Variants in SASH1 observed in about 807,000 individuals in gnomAD.
SASH1 encodes the protein SAM and SH3 domain-containing protein 1.
SASH1 carries 44 observed loss-of-function variants against 125.2 expected under a neutral mutation model. The observed-to-expected ratio is 0.35, with a 90% CI of 0.28 to 0.45. SASH1 has a LOEUF of 0.45. Ranked by LOEUF, SASH1 falls within the 20% of genes least tolerant of loss-of-function variation. SASH1 has a pLI of 1.00. For synonymous variants in SASH1, 639 were observed against 649.1 expected (o/e 0.98, Z 0.24); for missense variants, 1,426 against 1,614.5 (o/e 0.88, Z 2.00).
At position 148,533,006 on chromosome 6, in the gene SASH1, T is replaced by C; in HGVS notation, c.1734+40T>C. On this transcript the variant is annotated intron_variant, in intron 14 of 19. Transcript: ENST00000367467. The surrounding 1 kb of genome is among the most constrained non-coding windows in gnomAD (Gnocchi z 6.2). ...GGCCTCAGAGCAGCTAACTGGGCTCTTCCATTTCTCTAGGAGGCTTTCTTT... is the reference window on the plus strand; with the variant it reads ...GGCCTCAGAGCAGCTAACTGGGCTCCTCCATTTCTCTAGGAGGCTTTCTTT... The C allele has an allele frequency of 1.2e-6, 2 of 1,603,246 alleles. No homozygotes were observed. The highest frequency in any genetic ancestry group is 1.7e-6 in the Non-Finnish European group (2 of 1,171,142).
chr6:148,275,306 T>G (rs1171375810), intron 1 of SASH1, among the ~76,000 whole-genome samples: 1 of 152,234 alleles, frequency 6.6e-6, no homozygotes, highest in Non-Finnish European at 1.5e-5. Context: ...TTTCTTGGTC[T>G]GGACCCTAAC....
At chr6:148,344,720 T>C (rs1781462928) in intron 1 of SASH1, among the ~76,000 whole-genome samples, 1 of 151,988 alleles carries the variant, frequency 6.6e-6, no homozygotes, top group Admixed American at 6.6e-5. Context: ...GAAAACCTAA[T>C]GGACATTTTA....
chr6:148,514,846 A>G (rs1253601304), intron 9 of SASH1, among the ~76,000 whole-genome samples: 1 of 152,232 alleles, frequency 6.6e-6, no homozygotes, highest in Non-Finnish European at 1.5e-5. Context: ...TTCAAATTTC[A>G]TGTACATACA....
the SASH1 span, among the ~76,000 whole-genome samples, chr6:148,251,655 C>T: frequency 1.3e-5 from 2 of 151,860 alleles, no homozygotes; most frequent in African/African-American, 2.4e-5. Flanking sequence ...TGAGATGAGG[C>T]ATTTGGAAAT....
Position 148,519,697 on chromosome 6 carries a change from C to T in SASH1, c.1013C>T (p.Ser338Phe), listed in dbSNP as rs569499786. 56 of 1,614,158 alleles carry T rather than the reference C, an allele frequency of 3.5e-5. No individual in the cohort carries two copies. In the East Asian group the frequency reaches 1.2e-3, roughly 33 times the overall value. Residue 338 changes from serine to phenylalanine, a missense_variant, in exon 10 of 20, where the codon TCC becomes TTC. Ser to Phe is a radical substitution (Grantham distance 155, BLOSUM62 -2). Around this residue, in one of 3 missense-constraint regions of SASH1, gnomAD observed 567 missense variants for 575.6 expected, o/e 0.99. Coordinates refer to ENST00000367467, the MANE Select transcript of SASH1 (RefSeq NM_015278.5). This position sits in a 1 kb window ranked among gnomAD's most constrained non-coding sequence, Gnocchi z 4.8. The part of the protein sequence containing the change: ...DSDSLTTSPS[S>F]SSLDTWGAGR... ...GACTCTCTCACCACGTCTCCATCCT[C>T]CAGCAGCCTGGACACCTGGGGGGCT...
chr6:148,464,859 G>T (rs888406096), intron 4 of SASH1, among the ~76,000 whole-genome samples: 2 of 152,098 alleles, frequency 1.3e-5, no homozygotes, highest in African/African-American at 4.8e-5. Context: ...CAGCATCTAG[G>T]TGGTGAACTT....
chr6:148,533,660 C>T lies in SASH1; in HGVS notation c.1735-111C>T. On this transcript the variant is annotated intron_variant, in intron 14 of 19. Transcript: ENST00000367467. This position sits in a 1 kb window ranked among gnomAD's most constrained non-coding sequence, Gnocchi z 6.2. ...AGGGGTGACTTGTGGGACCCCGATT[C>T]TGGCCTTTGTGGCATCTTCACTTCT... is the stretch of plus-strand genomic sequence containing the variant. 1 of 1,018,486 alleles carries T rather than the reference C, an allele frequency of 9.8e-7. No homozygotes were observed. Among genetic ancestry groups the T allele is most frequent in the Non-Finnish European group, 1.5e-6 (1 of 679,558 alleles). The allele number at this position is 1,018,486 out of a possible 1,614,324, so 63.1% of individuals were successfully genotyped here. A position where few individuals can be genotyped will look rare whatever the true frequency, so the allele number is the denominator to read the frequency against.
At chr6:148,277,405 C>T (rs1322363812) in intron 1 of SASH1, among the ~76,000 whole-genome samples, 1 of 152,210 alleles carries the variant, frequency 6.6e-6, no homozygotes, top group African/African-American at 2.4e-5. Flanking sequence ...GTGCTCCGAC[C>T]AGCCAGCTGC....
chr6:148,282,489 C>T (rs1779368056), intron 1 of SASH1, among the ~76,000 whole-genome samples: 2 of 152,068 alleles, frequency 1.3e-5, no homozygotes, highest in African/African-American at 2.4e-5. Flanking sequence ...TCAAGCGATT[C>T]TCCTGCCTCA....
the SASH1 span, among the ~76,000 whole-genome samples, chr6:148,266,110 T>C: frequency 6.6e-6 from 1 of 151,932 alleles, no homozygotes; most frequent in Non-Finnish European, 1.5e-5. Flanking sequence ...GTAGCTGGGA[T>C]TGCAGGTGCC....
the SASH1 span, among the ~76,000 whole-genome samples, chr6:148,215,764 T>G: frequency 6.6e-6 from 1 of 152,222 alleles, no homozygotes; most frequent in African/African-American, 2.4e-5. Flanking sequence ...CAACTTGCTG[T>G]GCTTGCTGGA....
chr6:148,461,596 C>A (rs1445352032), intron 4 of SASH1, among the ~76,000 whole-genome samples: 1 of 152,122 alleles, frequency 6.6e-6, no homozygotes, highest in Non-Finnish European at 1.5e-5. Flanking sequence ...GAGAATCTTA[C>A]ACCAAATCAA....
intron 1 of SASH1, among the ~76,000 whole-genome samples, chr6:148,356,494 C>CTTTTTTTTTTTTTTTTTTTTTTT (rs57183555): frequency 2.6e-5 from 3 of 116,282 alleles, no homozygotes; most frequent in Non-Finnish European, 3.4e-5. Flanking sequence ...ACTTTTAGTT[C>CTTTTTTTTTTTTTTTTTTTTTTT]TTTTTTTTTT....
chr6:148,447,676 C>CTCTTGTTCT (rs879759256), intron 4 of SASH1, among the ~76,000 whole-genome samples: 1 of 67,844 alleles, frequency 1.5e-5, no homozygotes, highest in Non-Finnish European at 3.6e-5. Flanking sequence ...CTTGTTCTTC[C>CTCTTGTTCT]TCCTCTTCTT....
chr6:148,212,650 T>C, the SASH1 span, among the ~76,000 whole-genome samples: 1 of 152,184 alleles, frequency 6.6e-6, no homozygotes, highest in Admixed American at 6.5e-5. Flanking sequence ...AAGAATAGAA[T>C]TACATGTGTG....
rs1782774763 is a variant in SASH1 at position 148,373,477 on chromosome 6, T to C, written c.157-16657T>C. The stretch of plus-strand genomic sequence containing the variant: ...GCAGGAAAGATGTAGGGGTGTATAG[T>C]TGTGAGGAGCCTTCTGTGTCATCCT... On this transcript the variant is annotated intron_variant, in intron 1 of 19. Transcript: ENST00000367467. Among the ~76,000 whole-genome samples, 3 of 152,182 alleles carry C rather than the reference T, an allele frequency of 2.0e-5. No homozygotes were observed. In the South Asian group the frequency reaches 6.2e-4, roughly 32 times the overall value.
At chr6:148,385,086 C>T (rs1783305926) in intron 1 of SASH1, among the ~76,000 whole-genome samples, 1 of 152,130 alleles carries the variant, frequency 6.6e-6, no homozygotes, top group Non-Finnish European at 1.5e-5. Context: ...ATCATCAGGA[C>T]TGATGAAAGT....
Position 148,533,602 on chromosome 6 carries a change from A to C in SASH1, c.1735-169A>C, listed in dbSNP as rs1781653320. Among the ~76,000 whole-genome samples, 1 of 152,024 alleles carries C rather than the reference A, an allele frequency of 6.6e-6. No individual in the cohort carries two copies. The highest frequency in any genetic ancestry group is 6.5e-5 in the Admixed American group (1 of 15,268). On this transcript the variant is annotated intron_variant, in intron 14 of 19. Coordinates refer to ENST00000367467, the MANE Select transcript of SASH1 (RefSeq NM_015278.5). The surrounding 1 kb of genome is among the most constrained non-coding windows in gnomAD (Gnocchi z 6.2). ...AGAGACACCTGTCTGGCCTCTGCGGAGCTCACAGTCACATCCTATGCAGGT... is the reference window on the plus strand; with the variant it reads ...AGAGACACCTGTCTGGCCTCTGCGGCGCTCACAGTCACATCCTATGCAGGT...
intron 2 of SASH1, 23 bp downstream of exon 2, chr6:148,390,285 T>C (rs747532015): frequency 6.8e-6 from 11 of 1,606,640 alleles, no homozygotes; most frequent in South Asian, 3.3e-5. Flanking sequence ...CCTGGGAATA[T>C]GCTTCTGTGA....
Sources: gnomAD v4.1 joint callset for allele counts (sites outside exome capture counted in the v4.1 genomes callset) on GRCh38, gnomAD v4.1.1 for gene constraint, gnomAD v4.1.1 regional missense constraint, Gnocchi (gnomAD v3.1) non-coding constraint, MANE v1.5 for transcripts, NCBI Gene and HGNC (gene_info 2026-07-23, HGNC 2026-07-21) for gene names.